Variants in GALNT17 observed in about 807,000 individuals in gnomAD.
The protein encoded by GALNT17 is polypeptide N-acetylgalactosaminyltransferase 17.
GALNT17 carries 29 observed loss-of-function variants against 63.7 expected under a neutral mutation model. That is an observed-to-expected ratio of 0.46 (90% CI 0.34 to 0.62). The LOEUF (loss-of-function observed/expected upper bound fraction) is 0.62. Ranked by LOEUF, GALNT17 falls within the 20% of genes least tolerant of loss-of-function variation. The probability of loss-of-function intolerance (pLI) is 0.01; values close to 1 mark genes in which losing one functional copy is unlikely to be tolerated. For missense variants in GALNT17, 603 were observed against 799.6 expected (o/e 0.75, Z 2.97); for synonymous variants, 305 against 318.3 (o/e 0.96, Z 0.45).
At chr7:71,165,466 AAGAGAAGAG>A (rs1466245171) in intron 1 of GALNT17, among the ~76,000 whole-genome samples, 3 of 112,736 alleles carry the variant, frequency 2.7e-5, no homozygotes, top group African/African-American at 8.0e-5. Flanking sequence ...GGCGACAGAC[AAGAGAAGAG>A]AGAGAAGAGA....
intron 1 of GALNT17, among the ~76,000 whole-genome samples, chr7:71,157,587 G>A (rs1395106086): frequency 6.6e-6 from 1 of 151,804 alleles, no homozygotes; most frequent in African/African-American, 2.4e-5. Context: ...GAACTGGGGA[G>A]GCAGAGGTTG....
Position 71,415,892 on chromosome 7 carries a change from A to T in GALNT17, c.593A>T (p.Glu198Val), listed in dbSNP as rs543664393. 6.3e-7 allele frequency: 1 copy of T among 1,584,624 alleles called. No individual in the cohort carries two copies. Among genetic ancestry groups the T allele is most frequent in the African/African-American group, 1.3e-5 (1 of 74,088 alleles). Residue 198 changes from glutamate (E) to valine (V), a missense_variant, in exon 4 of 11, where the codon GAG (glutamate) becomes GTG (valine). Around this residue, in one of 3 missense-constraint regions of GALNT17, gnomAD observed 336 missense variants for 507.8 expected, o/e 0.66. Coordinates refer to ENST00000333538, the MANE Select transcript of GALNT17 (RefSeq NM_022479.3). ...ILVDDNSDEE[E>V]LKVPLEEYVH... Reference sequence around the variant, plus strand: ...CTTGCATTTTTGTCATTTGCAGAGGAGCTGAAGGTCCCCCTAGAGGAGTAT... The same window carrying T: ...CTTGCATTTTTGTCATTTGCAGAGGTGCTGAAGGTCCCCCTAGAGGAGTAT...
At chr7:71,586,679 GTT>G (rs79434130) in intron 6 of GALNT17, among the ~76,000 whole-genome samples, 11 of 145,210 alleles carry the variant, frequency 7.6e-5, no homozygotes, top group Admixed American at 2.1e-4. Context: ...ACCTAGTAGG[GTT>G]TTTTTTTTTT....
In GALNT17 at chr7:71,701,826, TACAC is replaced by T. The variant is rs769013871; in HGVS notation, c.1501-8933_1501-8930del. Among the ~76,000 whole-genome samples the T allele has an allele frequency of 2.2e-3, 57 of 26,152 alleles. 2 individuals carry two copies. Among genetic ancestry groups the T allele is most frequent in the African/African-American group, 4.6e-3 (47 of 10,304 alleles). The allele number at this position is 26,152 out of a possible 152,430, so 17.2% of individuals were successfully genotyped here. A position where few individuals can be genotyped will look rare whatever the true frequency, so the allele number is the denominator to read the frequency against. Reference sequence around the variant, plus strand: ...GTGTATATATATATACACATATATATACACATATATATATGTGTATATATATATA... The same window carrying T: ...GTGTATATATATATACACATATATATATATATATATGTGTATATATATATA... On this transcript the variant is annotated intron_variant, in intron 9 of 10. Transcript: ENST00000333538.
rs528819373 is a variant in GALNT17 at position 71,286,327 on chromosome 7, C to T, written c.239-49223C>T. On this transcript the variant is annotated intron_variant, in intron 1 of 10. Coordinates refer to ENST00000333538, the MANE Select transcript of GALNT17 (RefSeq NM_022479.3). ...AGTGAAGGAACCCTGGGTGTTTTCT[C>T]TATTAGACCTTTTACATTTTTTTAA... is the stretch of plus-strand genomic sequence containing the variant. Among the ~76,000 whole-genome samples the T allele has an allele frequency of 1.6e-4, 24 of 152,290 alleles. No homozygotes were observed. The South Asian group carries it at 5.0e-3, about 32-fold the overall frequency.
At chr7:71,297,360 A>G (rs1791101091) in intron 1 of GALNT17, among the ~76,000 whole-genome samples, 1 of 152,184 alleles carries the variant, frequency 6.6e-6, no homozygotes, top group Admixed American at 6.5e-5. Context: ...CCTGACCAAC[A>G]TGATGAAACC....
intron 6 of GALNT17, among the ~76,000 whole-genome samples, chr7:71,649,784 C>T (rs769522589): frequency 1.3e-5 from 2 of 152,190 alleles, no homozygotes; most frequent in Non-Finnish European, 2.9e-5. Context: ...TTAAAGTGCA[C>T]CTGTGTACCC....
intron 2 of GALNT17, among the ~76,000 whole-genome samples, chr7:71,375,949 C>T (rs1436669208): frequency 1.3e-5 from 2 of 152,080 alleles, no homozygotes; most frequent in Admixed American, 6.5e-5. Flanking sequence ...CGGTGGCGTG[C>T]GCCTGTCATC....
intron 5 of GALNT17, among the ~76,000 whole-genome samples, chr7:71,523,744 A>AAAATAAATAAATAAAT (rs55683413): frequency 7.3e-6 from 1 of 137,550 alleles, no homozygotes; most frequent in Admixed American, 7.5e-5. Context: ...CCTGTCTCAA[A>AAAATAAATAAATAAAT]AAATAAATAA....
At chr7:71,368,078 C>CG (rs143282778) in intron 2 of GALNT17, among the ~76,000 whole-genome samples, 6,091 of 152,174 alleles carry the variant, frequency 0.04, 347 homozygotes, top group African/African-American at 0.12. Flanking sequence ...TGGGAGGAGC[C>CG]GAAGAACAGA....
At chr7:71,523,612 G>C (rs1788565521) in intron 5 of GALNT17, among the ~76,000 whole-genome samples, 1 of 151,696 alleles carries the variant, frequency 6.6e-6, no homozygotes, top group Admixed American at 6.6e-5. Flanking sequence ...AAAATTAGTG[G>C]GGTGCGGTGG....
At chr7:71,555,425 G>A (rs1455726126) in intron 5 of GALNT17, among the ~76,000 whole-genome samples, 1 of 150,610 alleles carries the variant, frequency 6.6e-6, no homozygotes, top group African/African-American at 2.4e-5. Flanking sequence ...AAGTGAGCCA[G>A]CAGTGAGCCC....
chr7:71,304,386 G>T (rs1791253482), intron 1 of GALNT17, among the ~76,000 whole-genome samples: 1 of 152,190 alleles, frequency 6.6e-6, no homozygotes, highest in Admixed American at 6.5e-5. Flanking sequence ...TGACAAAGTG[G>T]GTACAGATGT....
chr7:71,156,086 C>T (rs1239811734), intron 1 of GALNT17, among the ~76,000 whole-genome samples: 3 of 151,572 alleles, frequency 2.0e-5, no homozygotes, highest in Non-Finnish European at 4.4e-5. Context: ...ATCCCAGCTA[C>T]TGGGGAGGCT....
At chr7:71,706,136 G>T (rs1562744113) in intron 9 of GALNT17, among the ~76,000 whole-genome samples, 2 of 152,186 alleles carry the variant, frequency 1.3e-5, no homozygotes, top group Non-Finnish European at 2.9e-5. Context: ...AACTTTCTCA[G>T]AAAAGGAGGC....
At chr7:71,709,204 G>A (rs1303549725) in intron 9 of GALNT17, among the ~76,000 whole-genome samples, 1 of 152,164 alleles carries the variant, frequency 6.6e-6, no homozygotes, top group East Asian at 1.9e-4. Context: ...CTTCTTCTCT[G>A]CAGCCTCATC....
intron 5 of GALNT17, among the ~76,000 whole-genome samples, chr7:71,540,370 G>A (rs1047826335): frequency 2.7e-5 from 4 of 149,606 alleles, no homozygotes; most frequent in Admixed American, 6.7e-5. Context: ...ACCCACCTTC[G>A]CCTCCCAAAG....
chr7:71,554,633 C>T (rs1469880510), intron 5 of GALNT17, among the ~76,000 whole-genome samples: 1 of 152,178 alleles, frequency 6.6e-6, no homozygotes, highest in African/African-American at 2.4e-5. Flanking sequence ...TGCCCCACTG[C>T]CCATAGCACG....
chr7:71,461,726 C>G (rs1431557365), intron 5 of GALNT17, among the ~76,000 whole-genome samples: 1 of 152,208 alleles, frequency 6.6e-6, no homozygotes, highest in African/African-American at 2.4e-5. Flanking sequence ...TGTTGCCTCC[C>G]AGGAGTGGGG....
Sources: gnomAD v4.1 joint callset for allele counts (sites outside exome capture counted in the v4.1 genomes callset) on GRCh38, gnomAD v4.1.1 for gene constraint, gnomAD v4.1.1 regional missense constraint, MANE v1.5 for transcripts, NCBI Gene and HGNC (gene_info 2026-07-23, HGNC 2026-07-21) for gene names.